OGFOD3: variants seen among roughly 807,000 people sequenced by gnomAD.
OGFOD3 encodes the protein 2-oxoglutarate and iron-dependent oxygenase domain-containing protein 3.
A neutral mutation model predicts 39.8 loss-of-function variants in OGFOD3; 35 were observed. The observed-to-expected ratio is 0.88, with a 90% CI of 0.67 to 1.17. OGFOD3 has a LOEUF of 1.17. Among genes scored for constraint, OGFOD3 ranks in the 50% most tolerant of loss-of-function variants. The pLI, the probability that OGFOD3 is intolerant of heterozygous loss-of-function variation, is 0.00. For missense variants in OGFOD3, 438 were observed against 454.5 expected, an observed-to-expected ratio of 0.96 and a Z score of 0.33; for synonymous variants, 200 against 192.0, an observed-to-expected ratio of 1.04 and a Z score of -0.34.
In OGFOD3 at chr17:82,394,516, C is replaced by T. The variant is rs199562010; in HGVS notation, c.824-1982G>A. On this transcript the variant is annotated intron_variant, in intron 8 of 8. Coordinates refer to ENST00000313056, the MANE Select transcript of OGFOD3 (RefSeq NM_024648.3). ...CGGTCCATTAACTTCTTGGAACCCA[C>T]AAGACATCATCCGGAAACAAAAACA... The T allele has an allele frequency of 1.4e-5, 22 of 1,612,758 alleles. No homozygotes were observed. In the East Asian group the frequency reaches 4.7e-4, roughly 34 times the overall value.
chr17:82,392,465 C>T lies in OGFOD3; in HGVS notation c.893G>A (p.Arg298His), dbSNP rs886438962. 1.6e-5 allele frequency: 26 copies of T among 1,611,758 alleles called. No homozygotes were observed. Among genetic ancestry groups the T allele is most frequent in the African/African-American group, 1.5e-4 (11 of 74,888 alleles). Residue 298 changes from arginine to histidine, a missense_variant, in exon 9 of 9, where the codon CGT becomes CAT. Coordinates refer to ENST00000313056, the MANE Select transcript of OGFOD3 (RefSeq NM_024648.3). The surrounding 1 kb of genome is among the most constrained non-coding windows in gnomAD (Gnocchi z 4.2). Reference protein sequence around the residue: ...HRVEKVHWGTRYAITIAFSCN... With the variant: ...HRVEKVHWGTHYAITIAFSCN... ...GCTGAAGGCGATGGTGATGGCGTAA[C>T]GGGTGCCCCAGTGGACCTTCTCCAC...
rs746729232 is a variant in OGFOD3, at chr17:82,415,351, T to C, written c.304+47A>G. ...CACCCCTTCGTCGCAGCCAATGTCC[T>C]TTAACCACACTGAGTCTCATTTTAA... On this transcript the variant is annotated intron_variant, in intron 2 of 8. Transcript: ENST00000313056. The surrounding 1 kb of genome is among the most constrained non-coding windows in gnomAD (Gnocchi z 5.3). 6.4e-6 allele frequency: 10 copies of C among 1,574,382 alleles called. No individual in the cohort carries two copies. The highest frequency in any genetic ancestry group is 1.3e-5 in the African/African-American group (1 of 74,422).
Position 82,409,414 on chromosome 17 carries a change from C to T in OGFOD3, c.381-4G>A, listed in dbSNP as rs183658728. On this transcript the variant is annotated splice_region_variant and splice_polypyrimidine_tract_variant and intron_variant, in intron 3 of 8. Coordinates refer to ENST00000313056, the MANE Select transcript of OGFOD3 (RefSeq NM_024648.3). The stretch of plus-strand genomic sequence containing the variant: ...GGAGAGCCCCTTTTCAGCTACGCTG[C>T]AGGGAGAAAATAATTCAGAATTTCG... 5,866 of 1,613,810 alleles carry T rather than the reference C, an allele frequency of 3.6e-3. 21 individuals carry two copies. Among genetic ancestry groups the T allele is most frequent in the Non-Finnish European group, 4.4e-3 (5,174 of 1,179,738 alleles).
intron 7 of OGFOD3, among the ~76,000 whole-genome samples, chr17:82,402,572 C>A (rs993760144): frequency 2.0e-5 from 3 of 151,766 alleles, no homozygotes; most frequent in Non-Finnish European, 2.9e-5. Flanking sequence ...TACAATGAAA[C>A]CCCATCTCTA....
chr17:82,411,591 G>C, intron 2 of OGFOD3, 61 bp from the exon 3 acceptor site: 1 of 1,381,144 alleles, frequency 7.2e-7, no homozygotes, highest in South Asian at 1.2e-5. Context: ...TGCCCTTCCA[G>C]GGAATCAGGG....
intron 8 of OGFOD3, among the ~76,000 whole-genome samples, chr17:82,397,414 GTGA>G (rs377495198): frequency 1.2e-5 from 1 of 81,610 alleles, no homozygotes; most frequent in Non-Finnish European, 2.7e-5. Flanking sequence ...GGGGGGGGGG[GTGA>G]GGGCAGTGCC....
chr17:82,406,420 G>A lies in OGFOD3; in HGVS notation c.486C>T (p.Tyr162=). 1.9e-6 allele frequency: 3 copies of A among 1,614,010 alleles called. No individual in the cohort carries two copies. The highest frequency in any genetic ancestry group is 2.5e-6 in the Non-Finnish European group (3 of 1,179,930). The change falls in exon 5 of 9, where the codon TAC becomes TAT. Residue 162 remains tyrosine (Y), a splice_region_variant and synonymous_variant. Coordinates refer to ENST00000313056, the MANE Select transcript of OGFOD3 (RefSeq NM_024648.3). The surrounding 1 kb of genome is among the most constrained non-coding windows in gnomAD (Gnocchi z 5.2). ...LSVGKHFVNL[Y]RYFGDKIQNI... ...TGAGGTCATGCTGCAGCACTCACCT[G>A]TACAGGTTCACAAAGTGCTTCCCGA...
At position 82,411,339 on chromosome 17, in the gene OGFOD3, G is replaced by A. The variant is rs187243078; in HGVS notation, c.380+116C>T. 173 of 897,100 alleles carry A rather than the reference G, an allele frequency of 1.9e-4. No individual in the cohort carries two copies. In the African/African-American group the frequency reaches 2.1e-3, roughly 11 times the overall value. 55.6% of individuals were successfully genotyped at this position (897,100 alleles called of 1,614,324 possible). On this transcript the variant is annotated intron_variant, in intron 3 of 8. Coordinates refer to ENST00000313056, the MANE Select transcript of OGFOD3 (RefSeq NM_024648.3). ...TGGGATTACAGGCGTGAGCCACCAC[G>A]CCTGGCAATAAAATCCTTAAAACCA...
chr17:82,401,803 C>CAAAACAAAAAAAAAAAAAAAAAAA (rs2052768403), intron 7 of OGFOD3, among the ~76,000 whole-genome samples: 1 of 61,724 alleles, frequency 1.6e-5, no homozygotes, highest in Non-Finnish European at 2.7e-5. Context: ...GACTCCATCT[C>CAAAACAAAAAAAAAAAAAAAAAAA]AAAAAAAAAA....
chr17:82,411,283 G>A (rs1209507744), intron 3 of OGFOD3, among the ~76,000 whole-genome samples, 172 bp downstream of exon 3: 2 of 152,150 alleles, frequency 1.3e-5, no homozygotes, highest in Non-Finnish European at 2.9e-5. Flanking sequence ...CTGAACTCAG[G>A]CAATCTGCCC....
chr17:82,396,151 T>C (rs1391611510), intron 8 of OGFOD3, among the ~76,000 whole-genome samples: 1 of 151,128 alleles, frequency 6.6e-6, no homozygotes, highest in Non-Finnish European at 1.5e-5. Flanking sequence ...ATTAGACAGA[T>C]GTACGACATC....
At chr17:82,394,942 C>A (rs1225664161) in intron 8 of OGFOD3, among the ~76,000 whole-genome samples, 1 of 152,226 alleles carries the variant, frequency 6.6e-6, no homozygotes, top group Non-Finnish European at 1.5e-5. Flanking sequence ...GCTGTTGACC[C>A]AACTCCGGGA....
chr17:82,414,179 G>A (rs1289870201), intron 2 of OGFOD3, among the ~76,000 whole-genome samples: 1 of 152,084 alleles, frequency 6.6e-6, no homozygotes, highest in East Asian at 1.9e-4. Context: ...CCAGGCTGGA[G>A]TGCGGTGGCA....
intron 3 of OGFOD3, among the ~76,000 whole-genome samples, chr17:82,409,766 G>C (rs1373309270): frequency 6.6e-6 from 1 of 152,132 alleles, no homozygotes. Flanking sequence ...GTGATGGCAG[G>C]TGCCTGTAAT....
intron 7 of OGFOD3, among the ~76,000 whole-genome samples, chr17:82,403,317 C>T (rs1356791356): frequency 6.6e-6 from 1 of 152,080 alleles, no homozygotes; most frequent in Non-Finnish European, 1.5e-5. Flanking sequence ...TGCCCTGAAA[C>T]CTCAGAGAGG....
At position 82,390,948 on chromosome 17, in the gene OGFOD3, T is replaced by C. The variant is rs2052591257; in HGVS notation, c.*1450A>G. On this transcript the variant is annotated 3_prime_UTR_variant, in exon 9 of 9. Transcript: ENST00000313056. This position sits in a 1 kb window ranked among gnomAD's most constrained non-coding sequence, Gnocchi z 4.9. ...ACGCCCGCTCCTTCCCAGGACCCAA[T>C]AATGCTGCCCTTTATCAACCCCCAG... 1.4e-5 allele frequency: 3 copies of C among 210,736 alleles called. No individual in the cohort carries two copies. Among genetic ancestry groups the C allele is most frequent in the South Asian group, 9.4e-5 (2 of 21,294 alleles). The allele number at this position is 210,736 out of a possible 1,614,324, so 13.1% of individuals were successfully genotyped here. A position where few individuals can be genotyped will look rare whatever the true frequency, so the allele number is the denominator to read the frequency against.
In OGFOD3 at chr17:82,404,406, T is replaced by G. The variant is rs1339816301; in HGVS notation, c.546-316A>C. Among the ~76,000 whole-genome samples the G allele has an allele frequency of 6.6e-6, 1 of 152,202 alleles. No homozygotes were observed. The highest frequency in any genetic ancestry group is 1.5e-5 in the Non-Finnish European group (1 of 68,010). ...AGATGCCAGAGCCTCCAGGCTTCAC[T>G]TGCAGGGCCTGGAGCCCAGCCTCCT... is the stretch of plus-strand genomic sequence containing the variant. On this transcript the variant is annotated intron_variant, in intron 6 of 8. Transcript: ENST00000313056. The surrounding 1 kb of genome is among the most constrained non-coding windows in gnomAD (Gnocchi z 4.5).
chr17:82,413,378 G>C (rs1052154911), intron 2 of OGFOD3, among the ~76,000 whole-genome samples: 1 of 152,172 alleles, frequency 6.6e-6, no homozygotes, highest in Non-Finnish European at 1.5e-5. Context: ...GACGCTGCTG[G>C]GTCCATGCTC....
rs148749707 is a variant in OGFOD3 at position 82,408,957 on chromosome 17, T to C, written c.423+411A>G. Reference sequence around the variant, plus strand: ...CCAGCTAGGAAGTTGCAGGATGCGTTGCAGCGTGTCTGTCCCACGGAGGCC... The same window carrying C: ...CCAGCTAGGAAGTTGCAGGATGCGTCGCAGCGTGTCTGTCCCACGGAGGCC... On this transcript the variant is annotated intron_variant, in intron 4 of 8. Coordinates refer to ENST00000313056, the MANE Select transcript of OGFOD3 (RefSeq NM_024648.3). Among the ~76,000 whole-genome samples the C allele has an allele frequency of 4.5e-3, 678 of 152,314 alleles. 10 individuals are homozygous for C. The highest frequency in any genetic ancestry group is 6.0e-3 in the African/African-American group (248 of 41,572).
Sources: allele counts gnomAD v4.1 joint callset (sites outside exome capture counted in the v4.1 genomes callset), GRCh38; gene constraint gnomAD v4.1.1; non-coding constraint Gnocchi (gnomAD v3.1); transcripts MANE v1.5; gene names NCBI Gene and HGNC (gene_info 2026-07-23, HGNC 2026-07-21).